The following DCTN1 variants were observed in gnomAD, a reference collection of about 807,000 sequenced individuals.
DCTN1 encodes dynactin subunit 1.
In DCTN1, 61 loss-of-function variants were observed where a neutral mutation model predicts 161.2. That is an observed-to-expected ratio of 0.38 (90% CI 0.31 to 0.47). The LOEUF is 0.47. Ranked by LOEUF, DCTN1 falls within the 20% of genes least tolerant of loss-of-function variation. DCTN1 has a pLI of 0.99. For missense variants in DCTN1, 1,404 were observed against 1,623.7 expected (o/e 0.86, Z 2.33); for synonymous variants, 653 against 632.4 (o/e 1.03, Z -0.49).
chr2:74,365,439 G>T (rs1674334278), intron 25 of DCTN1, 76 bp downstream of exon 25: 2 of 1,607,334 alleles, frequency 1.2e-6, no homozygotes, highest in Non-Finnish European at 1.7e-6. Context: ...ACCTGAGTAG[G>T]GGTATGGGTT....
chr2:74,377,574 C>T (rs1675298444), intron 3 of DCTN1, 74 bp downstream of exon 3: 2 of 1,521,098 alleles, frequency 1.3e-6, no homozygotes, highest in Non-Finnish European at 1.8e-6. Context: ...TCTACTGTGG[C>T]CCCATGTTAT....
At chr2:74,368,635 C>T (rs1674600463) in intron 16 of DCTN1, 93 bp downstream of exon 16, 2 of 1,564,100 alleles carry the variant, frequency 1.3e-6, no homozygotes, top group Admixed American at 3.4e-5. Context: ...TCTTTGTGGG[C>T]AGAGACTCTG....
At chr2:74,368,522 T>C (rs1299869917) in intron 16 of DCTN1, 3 of 732,146 alleles carry the variant, frequency 4.1e-6, no homozygotes, top group Non-Finnish European at 6.8e-6. Flanking sequence ...AAATCAAATC[T>C]CTAATTGTGC....
At position 74,380,177 on chromosome 2, in the gene DCTN1, G is replaced by A; in HGVS notation, c.-140C>T. On this transcript the variant is annotated 5_prime_UTR_variant, in exon 1 of 32. Transcript: ENST00000628224. ...TCAGGCACAGCCCTCCCCAGTCCAT[G>A]GGCCTCACTCGGTGGCCTACACGGG... 1 of 893,832 alleles carries A rather than the reference G, an allele frequency of 1.1e-6. No individual in the cohort carries two copies. Among genetic ancestry groups the A allele is most frequent in the Non-Finnish European group, 1.8e-6 (1 of 552,072 alleles). The allele number at this position is 893,832 out of a possible 1,614,324, so 55.4% of individuals were successfully genotyped here.
Position 74,370,990 on chromosome 2 carries a change from C to G in DCTN1, c.832G>C (p.Glu278Gln). 1 of 1,614,062 alleles carries G rather than the reference C, an allele frequency of 6.2e-7. No individual in the cohort carries two copies. The highest frequency in any genetic ancestry group is 1.1e-5 in the South Asian group (1 of 91,082). Residue 278 changes from glutamate (E) to glutamine (Q), a missense_variant, in exon 9 of 32, where the codon GAG (glutamate) becomes CAG (glutamine). Physicochemically the swap from Glu to Gln is conservative, Grantham distance 29. Around this residue, in one of 9 missense-constraint regions of DCTN1, gnomAD observed 67 missense variants for 116.3 expected, o/e 0.58. Transcript: ENST00000628224. The surrounding 1 kb of genome is among the most constrained non-coding windows in gnomAD (Gnocchi z 4.4). ...QQADLQRRLK[E>Q]ARKEAKEALE... ...ATCCAGAGTCAAACCTTTCTCGCCT[C>G]CTTGAGGCGCCGCTGCAGGTCGGCC...
chr2:74,374,398 G>A (rs56365505), intron 5 of DCTN1, 58 bp from the exon 6 acceptor site: 67 of 1,611,110 alleles, frequency 4.2e-5, no homozygotes, highest in Non-Finnish European at 5.3e-5. Flanking sequence ...GAGGGACAGA[G>A]GAGGATAGAC....
At chr2:74,372,880 C>T (rs749755104) in intron 7 of DCTN1, 48 bp downstream of exon 7, 82 of 1,600,622 alleles carry the variant, frequency 5.1e-5, no homozygotes, top group Admixed American at 6.7e-5. Context: ...ATGCCTGAAA[C>T]GTGTGTGTAC....
At chr2:74,368,575 A>AAT in intron 16 of DCTN1, 153 bp downstream of exon 16, 2 of 977,612 alleles carry the variant, frequency 2.0e-6, no homozygotes, top group Non-Finnish European at 3.1e-6. Flanking sequence ...CACCATTTGT[A>AAT]ATATATATTA....
At chr2:74,374,877 G>A (rs1349182398) in intron 5 of DCTN1, 12 of 476,048 alleles carry the variant, frequency 2.5e-5, no homozygotes, top group Non-Finnish European at 2.5e-5. Flanking sequence ...CCCCAAGAGC[G>A]TGCTCCAAAA....
At chr2:74,375,386 T>C (rs1387833569) in intron 5 of DCTN1, among the ~76,000 whole-genome samples, 1 of 152,202 alleles carries the variant, frequency 6.6e-6, no homozygotes, top group Non-Finnish European at 1.5e-5. Context: ...CCCTCTGCTT[T>C]GAAAAATAAC....
At chr2:74,384,912 G>A (rs1675663835), upstream of DCTN1, 1 of 152,216 alleles carries the variant, frequency 6.6e-6, no homozygotes, top group Non-Finnish European at 1.5e-5. Flanking sequence ...AAGTCCTTCA[G>A]GAGTCAGAAA....
upstream of DCTN1, among the ~76,000 whole-genome samples, chr2:74,383,103 TAAAATA>T (rs1553467114): frequency 6.6e-6 from 1 of 150,678 alleles, no homozygotes; most frequent in Non-Finnish European, 1.5e-5. Flanking sequence ...AATAAATAAA[TAAAATA>T]AAAATAAAAA....
chr2:74,361,763 C>A, intron 31 of DCTN1, 127 bp from the exon 32 acceptor site: 1 of 1,179,006 alleles, frequency 8.5e-7, no homozygotes, highest in Non-Finnish European at 1.2e-6. Context: ...AGATCCTGGG[C>A]TATTGTGACC....
rs886543000 is a variant in DCTN1 at position 74,369,571 on chromosome 2, C to T, written c.1393-80G>A. 4.0e-5 allele frequency: 57 copies of T among 1,436,014 alleles called. No homozygotes were observed. Among genetic ancestry groups the T allele is most frequent in the Non-Finnish European group, 5.1e-5 (53 of 1,030,256 alleles). 89.0% of individuals were successfully genotyped at this position (1,436,014 alleles called of 1,614,324 possible). ...GTGGTTCACACCTGTAATCCCAGCA[C>T]TTTGGGAGGTCAAAGCAGGCGGATC... is the stretch of plus-strand genomic sequence containing the variant. On this transcript the variant is annotated intron_variant, in intron 13 of 31. Coordinates refer to ENST00000628224, the MANE Select transcript of DCTN1 (RefSeq NM_004082.5). The surrounding 1 kb of genome is among the most constrained non-coding windows in gnomAD (Gnocchi z 4.9).
At position 74,365,557 on chromosome 2, in the gene DCTN1, G is replaced by C; in HGVS notation, c.2987C>G (p.Thr996Ser). 2 of 1,614,110 alleles carry C rather than the reference G, an allele frequency of 1.2e-6. No individual in the cohort carries two copies. Among genetic ancestry groups the C allele is most frequent in the South Asian group, 1.1e-5 (1 of 91,072 alleles). ...CAGTGCCTGGGTCTCCTCCAGCCGA[G>C]TCTGGACTTTCTCGATGCGCTCATC... ...DADERIEKVQ[T>S]RLEETQALLR... The change falls in exon 25 of 32, where the codon ACT (threonine) becomes AGT (serine). Residue 996 changes from threonine (T) to serine (S), a missense_variant. Thr to Ser is a moderately conservative substitution (Grantham distance 58). Transcript: ENST00000628224.
chr2:74,363,694 TACGGGGACAC>T lies in DCTN1; in HGVS notation c.3197-76_3197-67del, dbSNP rs1294491379. On this transcript the variant is annotated intron_variant, in intron 26 of 31. Coordinates refer to ENST00000628224, the MANE Select transcript of DCTN1 (RefSeq NM_004082.5). Reference sequence around the variant, plus strand: ...GAGAGGAGTTAGGTGATTTGGGGGTTACGGGGACACACCAGAGGAATCCTGGACACAACCT... The same window carrying T: ...GAGAGGAGTTAGGTGATTTGGGGGTTACCAGAGGAATCCTGGACACAACCT... The T allele has an allele frequency of 3.1e-6, 5 of 1,602,044 alleles. No individual in the cohort carries two copies. The East Asian group carries it at 1.1e-4, about 36-fold the overall frequency.
chr2:74,366,622 T>C lies in DCTN1; in HGVS notation c.2467-2A>G. 6.2e-7 allele frequency: 1 copy of C among 1,612,388 alleles called. No homozygotes were observed. Among genetic ancestry groups the C allele is most frequent in the Non-Finnish European group, 8.5e-7 (1 of 1,180,016 alleles). Reference sequence around the variant, plus strand: ...GCAGTCTAGGAGCGTGTCAGATACCTGTGTGCCAGGCCAGAGTCAGGAGTC... The same window carrying C: ...GCAGTCTAGGAGCGTGTCAGATACCCGTGTGCCAGGCCAGAGTCAGGAGTC... On this transcript the variant is annotated splice_acceptor_variant, in intron 21 of 31. Transcript: ENST00000628224. LOFTEE classifies it high-confidence loss of function.
At position 74,371,578 on chromosome 2, in the gene DCTN1, T is replaced by G; in HGVS notation, c.604A>C (p.Thr202Pro). The change falls in exon 8 of 32, where the codon ACC (threonine) becomes CCC (proline). Residue 202 changes from threonine to proline, a missense_variant. Physicochemically the swap from Thr to Pro is conservative, Grantham distance 38. Coordinates refer to ENST00000628224, the MANE Select transcript of DCTN1 (RefSeq NM_004082.5). ...AAPIIPTPVL[T>P]SPGAVPPLPS... ...AGCGGGGGGACTGCTCCAGGAGAGGTGAGGACCGGCGTGGGGATGATGGGT... is the reference window on the plus strand; with the variant it reads ...AGCGGGGGGACTGCTCCAGGAGAGGGGAGGACCGGCGTGGGGATGATGGGT... 1 of 1,585,164 alleles carries G rather than the reference T, an allele frequency of 6.3e-7. No individual in the cohort carries two copies. Among genetic ancestry groups the G allele is most frequent in the Non-Finnish European group, 8.6e-7 (1 of 1,166,136 alleles).
chr2:74,368,780 C>G lies in DCTN1; in HGVS notation c.1802G>C (p.Gly601Ala), dbSNP rs370192633. The G allele has an allele frequency of 2.4e-5, 39 of 1,614,126 alleles. No homozygotes were observed. Among genetic ancestry groups the G allele is most frequent in the Non-Finnish European group, 3.3e-5 (39 of 1,180,062 alleles). The change falls in exon 16 of 32, where the codon GGG (glycine) becomes GCG (alanine). Residue 601 changes from glycine (G) to alanine (A), a missense_variant. By Grantham distance (60) the Gly-to-Ala change is moderately conservative. This residue lies in a region of DCTN1 where 278 missense variants were observed against 363.8 expected (regional missense o/e 0.76). Transcript: ENST00000628224. ...FMPDSFLRPG[G>A]DHDCVLVLLL... ...CAGCACCAGAACGCAGTCATGGTCC[C>G]CACCTGGCCGAAGGAAGCTGTCAGG...
Sources: gnomAD v4.1 joint callset for allele counts (sites outside exome capture counted in the v4.1 genomes callset) on GRCh38, gnomAD v4.1.1 for gene constraint, gnomAD v4.1.1 regional missense constraint, Gnocchi (gnomAD v3.1) non-coding constraint, MANE v1.5 for transcripts, NCBI Gene and HGNC (gene_info 2026-07-23, HGNC 2026-07-21) for gene names.